The following SP4 variants were observed in gnomAD, a reference collection of about 807,000 sequenced individuals.
The protein encoded by SP4 is Sp4 transcription factor, also known as transcription factor Sp4.
Under a neutral mutation model 72.8 loss-of-function variants are expected in SP4, and 19 were observed. That is an observed-to-expected ratio of 0.26 (90% CI 0.18 to 0.38). The LOEUF is 0.38. Ranked by LOEUF, SP4 falls within the 10% of genes least tolerant of loss-of-function variation. SP4 has a pLI of 1.00. For synonymous variants in SP4, 395 were observed against 333.1 expected (o/e 1.19, Z -2.02); for missense variants, 1,008 against 926.3 (o/e 1.09, Z -1.14).
intron 3 of SP4, among the ~76,000 whole-genome samples, chr7:21,469,795 A>G (rs1351134471): frequency 6.6e-6 from 1 of 152,136 alleles, no homozygotes; most frequent in Middle Eastern, 3.4e-3. Flanking sequence ...CTTGTGATCC[A>G]CCTACCTCGG....
intron 3 of SP4, among the ~76,000 whole-genome samples, chr7:21,472,023 CTA>C (rs983417631): frequency 5.9e-5 from 9 of 152,180 alleles, no homozygotes; most frequent in African/African-American, 2.2e-4. Flanking sequence ...TGAAAAAGAG[CTA>C]TATTAGGAAA....
Position 21,489,590 on chromosome 7 carries a change from C to CA in SP4, c.2107+7467_2107+7468insA, listed in dbSNP as rs1215123880. On this transcript the variant is annotated intron_variant, in intron 5 of 5. Coordinates refer to ENST00000222584, the MANE Select transcript of SP4 (RefSeq NM_003112.5). ...TTTTTTTTTTTTTGAGATGGAGTCT[C>CA]GCTCTGTCACCCAGGCTGGAGTGCA... Among the ~76,000 whole-genome samples the CA allele has an allele frequency of 2.4e-5, 3 of 126,282 alleles. No homozygotes were observed. The Admixed American group carries it at 3.0e-4, about 12-fold the overall frequency. The allele number at this position is 126,282 out of a possible 152,430, so 82.8% of individuals were successfully genotyped here. A position where few individuals can be genotyped will look rare whatever the true frequency, so the allele number is the denominator to read the frequency against.
At chr7:21,433,520 A>G (rs1402899137) in intron 3 of SP4, among the ~76,000 whole-genome samples, 3 of 152,234 alleles carry the variant, frequency 2.0e-5, no homozygotes, top group African/African-American at 7.2e-5. Flanking sequence ...TGCTCTTTGA[A>G]CTAAGGTATA....
At chr7:21,491,866 T>C (rs975357574) in intron 5 of SP4, among the ~76,000 whole-genome samples, 8 of 145,280 alleles carry the variant, frequency 5.5e-5, no homozygotes, top group African/African-American at 2.1e-4. Context: ...TCTGCCTCAA[T>C]AGAAATGCCA....
intron 5 of SP4, among the ~76,000 whole-genome samples, chr7:21,488,341 ATTTTG>A (rs957617825): frequency 6.6e-6 from 1 of 152,050 alleles, no homozygotes; most frequent in African/African-American, 2.4e-5. Context: ...ATGGACTTTA[ATTTTG>A]TTTTATGTTC....
chr7:21,483,000 T>C (rs1784727196), intron 5 of SP4, among the ~76,000 whole-genome samples: 1 of 152,116 alleles, frequency 6.6e-6, no homozygotes, highest in African/African-American at 2.4e-5. Flanking sequence ...TATTGGATCA[T>C]AGAGAATGTG....
At chr7:21,488,365 CCTCCCAGCAGAAGACATTGA>C (rs1459261845) in intron 5 of SP4, among the ~76,000 whole-genome samples, 1 of 151,844 alleles carries the variant, frequency 6.6e-6, no homozygotes, top group Non-Finnish European at 1.5e-5. Context: ...TCCATGTCTC[CCTCCCAGCAGAAGACATTGA>C]CTGTCTTCTA....
intron 1 of SP4, 35 bp downstream of exon 1, chr7:21,428,293 C>T: frequency 1.5e-6 from 2 of 1,297,840 alleles, no homozygotes; most frequent in Non-Finnish European, 2.2e-6. Context: ...TCTCCTTCGC[C>T]GCCTCCCTCT....
chr7:21,432,800 C>T (rs1443955716), intron 3 of SP4, among the ~76,000 whole-genome samples: 1 of 151,940 alleles, frequency 6.6e-6, no homozygotes, highest in African/African-American at 2.4e-5. Flanking sequence ...TCAAGACCAG[C>T]CTGGGCAACA....
chr7:21,464,177 T>A (rs1784089836), intron 3 of SP4, among the ~76,000 whole-genome samples: 1 of 145,582 alleles, frequency 6.9e-6, no homozygotes, highest in Admixed American at 7.2e-5. Context: ...CAGGCTGGAG[T>A]GCATGGCCTC....
intron 5 of SP4, among the ~76,000 whole-genome samples, chr7:21,504,252 C>T (rs1002153379): frequency 2.0e-5 from 3 of 152,154 alleles, no homozygotes; most frequent in African/African-American, 7.2e-5. Context: ...TGACCAGTTC[C>T]CCAGGTACCA....
intron 5 of SP4, among the ~76,000 whole-genome samples, chr7:21,487,762 ATGGTGG>A (rs745424097): frequency 0.38 from 26,713 of 70,894 alleles, 4,453 homozygotes; most frequent in East Asian, 0.74. Flanking sequence ...GATGATGATG[ATGGTGG>A]TGGTGGTGGT....
intron 3 of SP4, among the ~76,000 whole-genome samples, chr7:21,459,024 C>T (rs937550964): frequency 1.3e-5 from 2 of 152,156 alleles, no homozygotes; most frequent in Admixed American, 1.3e-4. Flanking sequence ...GCATACTGTA[C>T]CCTCTTAGCA....
At chr7:21,488,124 T>TTC (rs1784871119) in intron 5 of SP4, among the ~76,000 whole-genome samples, 1 of 152,146 alleles carries the variant, frequency 6.6e-6, no homozygotes, top group Admixed American at 6.5e-5. Context: ...CTCAGCCTCC[T>TTC]GGAGTGTTGG....
Position 21,430,093 on chromosome 7 carries a change from T to C in SP4, c.928T>C (p.Ser310Pro), listed in dbSNP as rs1461265204. 3 of 1,614,160 alleles carry C rather than the reference T, an allele frequency of 1.9e-6. No individual in the cohort carries two copies. Among genetic ancestry groups the C allele is most frequent in the Non-Finnish European group, 1.7e-6 (2 of 1,180,028 alleles). ...LVSTPTNTTT[S>P]ASTMPESPSS... Reference sequence around the variant, plus strand: ...TTCCACACCCACCAACACCACTACTTCTGCCAGTACTATGCCAGAATCTCC... The same window carrying C: ...TTCCACACCCACCAACACCACTACTCCTGCCAGTACTATGCCAGAATCTCC... The change falls in exon 3 of 6, where the codon TCT (serine) becomes CCT (proline). Residue 310 changes from serine (S) to proline (P), a missense_variant. This residue lies in a region of SP4 where 893 missense variants were observed against 743.3 expected (regional missense o/e 1.20). Transcript: ENST00000222584.
intron 3 of SP4, among the ~76,000 whole-genome samples, chr7:21,464,115 G>A (rs1014938650): frequency 6.7e-6 from 1 of 150,104 alleles, no homozygotes; most frequent in Non-Finnish European, 1.5e-5. Flanking sequence ...CCTTGTCAGG[G>A]CGCTCTCTTT....
At chr7:21,449,835 A>C (rs1389700437) in intron 3 of SP4, among the ~76,000 whole-genome samples, 3 of 151,994 alleles carry the variant, frequency 2.0e-5, no homozygotes, top group African/African-American at 7.3e-5. Context: ...AGCATTTTTT[A>C]TTGGGAAAAA....
At position 21,511,565 on chromosome 7, in the gene SP4, T is replaced by C. The variant is rs1396058457; in HGVS notation, c.*296T>C. The C allele has an allele frequency of 7.5e-6, 2 of 265,790 alleles. No homozygotes were observed. The highest frequency in any genetic ancestry group is 1.4e-5 in the Non-Finnish European group (2 of 138,570). The allele number at this position is 265,790 out of a possible 1,614,324, so 16.5% of individuals were successfully genotyped here. A position where few individuals can be genotyped will look rare whatever the true frequency, so the allele number is the denominator to read the frequency against. On this transcript the variant is annotated 3_prime_UTR_variant, in exon 6 of 6. Transcript: ENST00000222584. ...CTTCCCATCTCTTAATATCATGTGT[T>C]AACATGTTTAAAAAGACCTTAGTAG...
chr7:21,511,013 T>C lies in SP4; in HGVS notation c.2108-9T>C, dbSNP rs761029908. On this transcript the variant is annotated splice_polypyrimidine_tract_variant and intron_variant, in intron 5 of 5. Coordinates refer to ENST00000222584, the MANE Select transcript of SP4 (RefSeq NM_003112.5). ...TGTGTATAACGCCATTTACTGTTTT[T>C]CTATGTAGGTGAAAAGAGATTTGAA... 3 of 1,589,450 alleles carry C rather than the reference T, an allele frequency of 1.9e-6. No individual in the cohort carries two copies. Among genetic ancestry groups the C allele is most frequent in the African/African-American group, 2.7e-5 (2 of 73,800 alleles).
Sources: allele counts gnomAD v4.1 joint callset (sites outside exome capture counted in the v4.1 genomes callset), GRCh38; gene constraint gnomAD v4.1.1; regional missense constraint gnomAD v4.1.1; transcripts MANE v1.5; gene names NCBI Gene and HGNC (gene_info 2026-07-23, HGNC 2026-07-21).